The following GPR63 variants were observed in gnomAD, a reference collection of about 807,000 sequenced individuals.
GPR63 encodes the protein G protein-coupled receptor 63.
Under a neutral mutation model 23.1 loss-of-function variants are expected in GPR63, and 12 were observed. The ratio of observed to expected loss-of-function variants is 0.52; its 90% CI spans 0.33 to 0.84. The LOEUF is 0.84. GPR63 is among the 40% of genes least tolerant of loss of function. The pLI is 0.02. For synonymous variants in GPR63, 172 were observed against 191.1 expected, an observed-to-expected ratio of 0.90 and a Z score of 0.82; for missense variants, 472 against 515.6, an observed-to-expected ratio of 0.92 and a Z score of 0.82.
chr6:96,810,603 G>C (rs1774018140), intron 1 of GPR63, among the ~76,000 whole-genome samples: 2 of 151,442 alleles, frequency 1.3e-5, no homozygotes, highest in Admixed American at 6.6e-5. Flanking sequence ...AGTGACAGCA[G>C]AGAATGTTCA....
At chr6:96,810,326 T>A (rs1464459091) in intron 1 of GPR63, among the ~76,000 whole-genome samples, 1 of 152,008 alleles carries the variant, frequency 6.6e-6, no homozygotes, top group Non-Finnish European at 1.5e-5. Flanking sequence ...TGAAACTCTG[T>A]CTCTATTAAA....
chr6:96,817,299 T>C (rs1774189551), intron 1 of GPR63, among the ~76,000 whole-genome samples: 3 of 151,820 alleles, frequency 2.0e-5, no homozygotes, highest in African/African-American at 2.4e-5. Context: ...GAGATGCAAA[T>C]AAAAATCACA....
chr6:96,802,606 C>T (rs1265748725), intron 1 of GPR63, among the ~76,000 whole-genome samples: 3 of 147,280 alleles, frequency 2.0e-5, no homozygotes, highest in Admixed American at 1.4e-4. Flanking sequence ...GTGGCACAGT[C>T]TTGGCTCACT....
At chr6:96,833,752 A>C (rs756938995) in intron 1 of GPR63, among the ~76,000 whole-genome samples, 3 of 152,238 alleles carry the variant, frequency 2.0e-5, no homozygotes, top group Non-Finnish European at 4.4e-5. Flanking sequence ...AATGATGTTA[A>C]GAATTTGAAA....
intron 1 of GPR63, among the ~76,000 whole-genome samples, chr6:96,830,324 A>T (rs1774548034): frequency 6.6e-6 from 1 of 152,240 alleles, no homozygotes; most frequent in Non-Finnish European, 1.5e-5. Flanking sequence ...GATATTCTGA[A>T]CTTTCCTATA....
rs1357867845 is a variant in GPR63, at chr6:96,837,353, T to G, written c.-236A>C. 5 of 152,328 alleles carry G rather than the reference T, an allele frequency of 3.3e-5. No individual in the cohort carries two copies. Among genetic ancestry groups the G allele is most frequent in the Non-Finnish European group, 7.3e-5 (5 of 68,132 alleles). The allele number at this position is 152,328 out of a possible 1,614,324, so 9.4% of individuals were successfully genotyped here. A position where few individuals can be genotyped will look rare whatever the true frequency, so the allele number is the denominator to read the frequency against. ...AGTCCCTCCCGGAACTTTCCTGACA[T>G]AGCACTTCTCTCCTCCGCTGCAGAG... is the stretch of plus-strand genomic sequence containing the variant. On this transcript the variant is annotated 5_prime_UTR_variant, in exon 1 of 2. It removes an upstream start codon present in the reference 5' UTR. Coordinates refer to ENST00000229955, the MANE Select transcript of GPR63 (RefSeq NM_030784.4).
chr6:96,801,708 T>G (rs570444846), intron 1 of GPR63, among the ~76,000 whole-genome samples: 1 of 152,214 alleles, frequency 6.6e-6, no homozygotes, highest in Non-Finnish European at 1.5e-5. Flanking sequence ...ATTCAAAATA[T>G]CAACTTTACT....
chr6:96,832,678 T>C (rs1352969776), intron 1 of GPR63, among the ~76,000 whole-genome samples: 1 of 152,010 alleles, frequency 6.6e-6, no homozygotes, highest in Admixed American at 6.6e-5. Flanking sequence ...GAAAAATAAC[T>C]AATGGGTACA....
chr6:96,826,866 A>ACAAG (rs1774451309), intron 1 of GPR63, among the ~76,000 whole-genome samples: 1 of 152,160 alleles, frequency 6.6e-6, no homozygotes, highest in Non-Finnish European at 1.5e-5. Flanking sequence ...ATCTGTAACC[A>ACAAG]CAAGGTACAT....
chr6:96,809,147 T>G (rs1397522742), intron 1 of GPR63, among the ~76,000 whole-genome samples: 1 of 152,106 alleles, frequency 6.6e-6, no homozygotes, highest in Non-Finnish European at 1.5e-5. Context: ...AAGACCATCC[T>G]TGGATCCACA....
chr6:96,811,849 T>G (rs887080677), intron 1 of GPR63, among the ~76,000 whole-genome samples: 8 of 63,926 alleles, frequency 1.3e-4, no homozygotes, highest in Admixed American at 6.7e-4. Context: ...AATAAATAAA[T>G]AAATAAATAA....
At chr6:96,806,703 T>C in intron 1 of GPR63, among the ~76,000 whole-genome samples, 1 of 152,168 alleles carries the variant, frequency 6.6e-6, no homozygotes, top group East Asian at 1.9e-4. Flanking sequence ...ATTTTAGCCT[T>C]ATACAGAAGG....
chr6:96,830,848 G>A (rs551247140), intron 1 of GPR63, among the ~76,000 whole-genome samples: 4 of 152,076 alleles, frequency 2.6e-5, no homozygotes, highest in Non-Finnish European at 5.9e-5. Context: ...TTTGTTACTA[G>A]AAGTGACCAC....
chr6:96,836,599 A>AT (rs35837304), intron 1 of GPR63, among the ~76,000 whole-genome samples: 40,040 of 150,164 alleles, frequency 0.27, 5,272 homozygotes, highest in South Asian at 0.3. Context: ...ATGTTGTTGG[A>AT]TTTTTTTTTT....
At chr6:96,830,596 G>A (rs1391095294) in intron 1 of GPR63, among the ~76,000 whole-genome samples, 1 of 152,142 alleles carries the variant, frequency 6.6e-6, no homozygotes, top group Non-Finnish European at 1.5e-5. Context: ...AGAAAACAAT[G>A]TCTGGAAAAC....
Position 96,798,765 on chromosome 6 carries a change from A to T in GPR63, c.967T>A (p.Phe323Ile), listed in dbSNP as rs1773666344. 6.2e-7 allele frequency: 1 copy of T among 1,614,078 alleles called. No homozygotes were observed. Among genetic ancestry groups the T allele is most frequent in the Non-Finnish European group, 8.5e-7 (1 of 1,180,048 alleles). Residue 323 changes from phenylalanine to isoleucine, a missense_variant, in exon 2 of 2, where the codon TTC (phenylalanine) becomes ATC (isoleucine). Transcript: ENST00000229955. ...FTTILILFAV[F>I]IVCWAPFTTY... ...GTGAATGGGGCCCAGCAGACAATGA[A>T]GACAGCAAAGAGAATCAAAATAGTG...
At position 96,814,341 on chromosome 6, in the gene GPR63, A is replaced by C. The variant is rs573382537; in HGVS notation, c.-150-14460T>G. ...ATCATTATATTAGGGGCAGAAAAAAAGCCTTATCCCAGAAAAAGAAAAAAA... is the reference window on the plus strand; with the variant it reads ...ATCATTATATTAGGGGCAGAAAAAACGCCTTATCCCAGAAAAAGAAAAAAA... On this transcript the variant is annotated intron_variant, in intron 1 of 1. Coordinates refer to ENST00000229955, the MANE Select transcript of GPR63 (RefSeq NM_030784.4). Among the ~76,000 whole-genome samples, 3 of 152,240 alleles carry C rather than the reference A, an allele frequency of 2.0e-5. No individual in the cohort carries two copies. In the East Asian group the frequency reaches 5.8e-4, roughly 29 times the overall value.
At chr6:96,804,863 G>A (rs776177997) in intron 1 of GPR63, among the ~76,000 whole-genome samples, 5 of 152,042 alleles carry the variant, frequency 3.3e-5, no homozygotes, top group Admixed American at 6.6e-5. Context: ...TATTAATGTA[G>A]TTATGTAAAT....
chr6:96,829,897 T>G (rs1250871768), intron 1 of GPR63, among the ~76,000 whole-genome samples: 17 of 152,050 alleles, frequency 1.1e-4, no homozygotes, highest in Non-Finnish European at 5.9e-5. Context: ...AATATATAAA[T>G]ATTTTCAAAG....
Sources: gnomAD v4.1 joint callset for allele counts (sites outside exome capture counted in the v4.1 genomes callset) on GRCh38, gnomAD v4.1.1 for gene constraint, MANE v1.5 for transcripts, NCBI Gene and HGNC (gene_info 2026-07-23, HGNC 2026-07-21) for gene names.